Variants in ADRA1A observed in about 807,000 individuals in gnomAD.
ADRA1A encodes the protein alpha-1A adrenergic receptor.
A neutral mutation model predicts 29.6 loss-of-function variants in ADRA1A; 31 were observed. That is an observed-to-expected ratio of 1.05 (90% CI 0.79 to 1.41). The LOEUF (loss-of-function observed/expected upper bound fraction) is 1.41. Among genes scored for constraint, ADRA1A ranks in the 40% most tolerant of loss-of-function variants. ADRA1A has a pLI of 0.00. For synonymous variants in ADRA1A, 311 were observed against 254.3 expected, an observed-to-expected ratio of 1.22 and a Z score of -2.12; for missense variants, 619 against 601.1, an observed-to-expected ratio of 1.03 and a Z score of -0.31.
intron 2 of ADRA1A, chr8:26,853,937 T>G (rs1382408288): frequency 6.6e-6 from 1 of 152,222 alleles, no homozygotes; most frequent in Non-Finnish European, 1.5e-5. Flanking sequence ...GTATAAGGAT[T>G]ATAATATTTT....
chr8:26,781,152 C>T (rs1229839807), intron 2 of ADRA1A, among the ~76,000 whole-genome samples: 1 of 152,164 alleles, frequency 6.6e-6, no homozygotes, highest in Non-Finnish European at 1.5e-5. Flanking sequence ...GCCCTTATCA[C>T]CATTTTCTGT....
intron 2 of ADRA1A, among the ~76,000 whole-genome samples, chr8:26,838,416 A>G (rs918360947): frequency 6.6e-6 from 1 of 152,192 alleles, no homozygotes; most frequent in South Asian, 2.1e-4. Context: ...AATAGAGGAC[A>G]ATAACTGGAA....
intron 2 of ADRA1A, among the ~76,000 whole-genome samples, chr8:26,862,660 G>A (rs1296800256): frequency 6.6e-6 from 1 of 152,154 alleles, no homozygotes; most frequent in African/African-American, 2.4e-5. Flanking sequence ...CAGGCACAAT[G>A]GAAGGCCAGG....
Position 26,866,970 on chromosome 8 carries a change from CG to C in ADRA1A, c.-722del. Reference sequence around the variant, plus strand: ...CGCTGCTGAGCCACCAGCTCGCGCGCGGGGGATGTGGACCCGGCTTCGGTCC... The same window carrying C: ...CGCTGCTGAGCCACCAGCTCGCGCGCGGGGATGTGGACCCGGCTTCGGTCC... On this transcript the variant is annotated 5_prime_UTR_variant, in exon 1 of 3. Coordinates refer to ENST00000380573, the MANE Select transcript of ADRA1A (RefSeq NM_000680.4). The surrounding 1 kb of genome is among the most constrained non-coding windows in gnomAD (Gnocchi z 5.7). The C allele has an allele frequency of 1.0e-6, 1 of 985,270 alleles. No individual in the cohort carries two copies. Among genetic ancestry groups the C allele is most frequent in the Non-Finnish European group, 1.2e-6 (1 of 829,850 alleles). 61.0% of individuals were successfully genotyped at this position (985,270 alleles called of 1,614,324 possible).
At position 26,823,038 on chromosome 8, in the gene ADRA1A, A is replaced by G. The variant is rs1810291970; in HGVS notation, c.883+41049T>C. ...ATTAGGGATTACAATTTGACATGAG[A>G]TTTGGGTGGGGACACAGATCCAAAC... On this transcript the variant is annotated intron_variant, in intron 2 of 2. Transcript: ENST00000380573. The surrounding 1 kb of genome is among the most constrained non-coding windows in gnomAD (Gnocchi z 4.2). Among the ~76,000 whole-genome samples, 3 of 152,260 alleles carry G rather than the reference A, an allele frequency of 2.0e-5. No individual in the cohort carries two copies. The highest frequency in any genetic ancestry group is 2.9e-5 in the Non-Finnish European group (2 of 68,014).
At position 26,841,404 on chromosome 8, in the gene ADRA1A, C is replaced by A. The variant is rs1811807711; in HGVS notation, c.883+22683G>T. 6.6e-6 allele frequency among the ~76,000 whole-genome samples: 1 copy of A among 152,202 alleles called. No individual in the cohort carries two copies. The highest frequency in any genetic ancestry group is 6.5e-5 in the Admixed American group (1 of 15,282). The stretch of plus-strand genomic sequence containing the variant: ...CACCTCCTTTCTTACTCCCTTCTAA[C>A]TGTGAAGGCATCGGGCTTTCCCAGA... On this transcript the variant is annotated intron_variant, in intron 2 of 2. Transcript: ENST00000380573. This position sits in a 1 kb window ranked among gnomAD's most constrained non-coding sequence, Gnocchi z 4.4.
rs1447722778 is a variant in ADRA1A at position 26,823,558 on chromosome 8, A to G, written c.883+40529T>C. Among the ~76,000 whole-genome samples the G allele has an allele frequency of 6.6e-6, 1 of 152,194 alleles. No homozygotes were observed. Among genetic ancestry groups the G allele is most frequent in the Admixed American group, 6.5e-5 (1 of 15,284 alleles). On this transcript the variant is annotated intron_variant, in intron 2 of 2. Transcript: ENST00000380573. The surrounding 1 kb of genome is among the most constrained non-coding windows in gnomAD (Gnocchi z 4.2). ...CCATCTTGGAAGTTGGGACAAATGC[A>G]CTGGTTCGGGGAGCGCTGGGCTAAG...
intron 2 of ADRA1A, chr8:26,748,896 C>T (rs1030326926): frequency 2.5e-5 from 8 of 324,636 alleles, no homozygotes; most frequent in Admixed American, 2.3e-4. Context: ...GCACCAGTCA[C>T]CTACGGACTC....
chr8:26,829,885 A>C (rs1810843525), intron 2 of ADRA1A, among the ~76,000 whole-genome samples: 1 of 151,532 alleles, frequency 6.6e-6, no homozygotes, highest in African/African-American at 2.4e-5. Flanking sequence ...GCTAAGGTAC[A>C]AACAAGCCAA....
At position 26,806,912 on chromosome 8, in the gene ADRA1A, G is replaced by A. The variant is rs562364320; in HGVS notation, c.884-36246C>T. ...CTAGAGGGAGCTGGACCCAAACTCT[G>A]ATAAGCTGGGTCTTTACCAAGGGCC... On this transcript the variant is annotated intron_variant, in intron 2 of 2. Transcript: ENST00000380573. The surrounding 1 kb of genome is among the most constrained non-coding windows in gnomAD (Gnocchi z 4.6). Among the ~76,000 whole-genome samples the A allele has an allele frequency of 6.6e-5, 10 of 152,298 alleles. No homozygotes were observed. The highest frequency in any genetic ancestry group is 4.6e-4 in the Admixed American group (7 of 15,308).
chr8:26,861,686 C>T (rs1360003823), intron 2 of ADRA1A, among the ~76,000 whole-genome samples: 1 of 152,198 alleles, frequency 6.6e-6, no homozygotes, highest in Non-Finnish European at 1.5e-5. Flanking sequence ...TCACTCCCTG[C>T]AGCCCCTTGC....
chr8:26,772,791 G>A (rs1424776735), intron 2 of ADRA1A, among the ~76,000 whole-genome samples: 1 of 152,112 alleles, frequency 6.6e-6, no homozygotes, highest in Non-Finnish European at 1.5e-5. Flanking sequence ...ACACAATAGT[G>A]TGGTTGTTGA....
chr8:26,758,644 C>T lies in ADRA1A; in HGVS notation c.1270-1865G>A, dbSNP rs148809340. Among the ~76,000 whole-genome samples, 663 of 152,288 alleles carry T rather than the reference C, an allele frequency of 4.4e-3. 6 individuals are homozygous for T. The highest frequency in any genetic ancestry group is 4.7e-3 in the Non-Finnish European group (320 of 68,016). Reference sequence around the variant, plus strand: ...TGGGAACTGCAATGAAGCCCAGGCCCGTGGTTCCCAGTCCATCATCGGTCT... The same window carrying T: ...TGGGAACTGCAATGAAGCCCAGGCCTGTGGTTCCCAGTCCATCATCGGTCT... On this transcript the variant is annotated intron_variant, in intron 2 of 2. Transcript: ENST00000380582.
downstream of ADRA1A, among the ~76,000 whole-genome samples, chr8:26,752,187 C>T (rs1487327918): frequency 1.3e-5 from 2 of 152,056 alleles, no homozygotes; most frequent in Non-Finnish European, 2.9e-5. Flanking sequence ...TGTTTTCAGG[C>T]CAAAGTATTG....
At position 26,864,572 on chromosome 8, in the gene ADRA1A, C is replaced by T. The variant is rs752263648; in HGVS notation, c.398G>A (p.Arg133His). The T allele has an allele frequency of 1.2e-6, 2 of 1,614,054 alleles. No homozygotes were observed. Among genetic ancestry groups the T allele is most frequent in the Middle Eastern group, 1.6e-4 (1 of 6,062 alleles). The change falls in exon 2 of 3, where the codon CGC becomes CAC. Residue 133 changes from arginine (R) to histidine (H), a missense_variant. Physicochemically the swap from Arg to His is conservative, Grantham distance 29. Transcript: ENST00000380573. This position sits in a 1 kb window ranked among gnomAD's most constrained non-coding sequence, Gnocchi z 8.1. ...CCTCTGGGTGACGATGGTTGGGTAG[C>T]GCAGCGGGTAGCTCACGCCGATGTA... The part of the protein sequence containing the change: ...DRYIGVSYPL[R>H]YPTIVTQRRG...
At chr8:26,853,739 C>T (rs1056784377) in intron 2 of ADRA1A, 2 of 152,056 alleles carry the variant, frequency 1.3e-5, no homozygotes, top group Non-Finnish European at 2.9e-5. Flanking sequence ...ACAAATGATG[C>T]TCTAAAAGAA....
downstream of ADRA1A, among the ~76,000 whole-genome samples, chr8:26,763,309 C>A (rs971667680): frequency 6.6e-6 from 1 of 152,098 alleles, no homozygotes. This position sits in a 1 kb window ranked among gnomAD's most constrained non-coding sequence, Gnocchi z 4.5. Context: ...GGGCAGGTCC[C>A]AAGGGTCTGG....
chr8:26,851,796 C>G (rs1812652750), intron 2 of ADRA1A, among the ~76,000 whole-genome samples: 1 of 151,594 alleles, frequency 6.6e-6, no homozygotes, highest in African/African-American at 2.4e-5. Context: ...TGGGAAGAAA[C>G]CTGGTAGCAA....
intron 2 of ADRA1A, among the ~76,000 whole-genome samples, chr8:26,788,095 C>T (rs4732874): frequency 0.34 from 51,239 of 151,848 alleles, 9,976 homozygotes; most frequent in East Asian, 0.84. Flanking sequence ...ATTCAGAGTG[C>T]TGGGGAAAAG....
Sources: gnomAD v4.1 joint callset for allele counts (sites outside exome capture counted in the v4.1 genomes callset) on GRCh38, gnomAD v4.1.1 for gene constraint, Gnocchi (gnomAD v3.1) non-coding constraint, MANE v1.5 for transcripts, NCBI Gene and HGNC (gene_info 2026-07-23, HGNC 2026-07-21) for gene names.